ZNF69: variants seen among roughly 807,000 people sequenced by gnomAD.
ZNF69 encodes the protein ZNF3.
ZNF69 carries 47 observed loss-of-function variants against 50.9 expected under a neutral mutation model. That is an observed-to-expected ratio of 0.92 (90% CI 0.73 to 1.18). The LOEUF is 1.18. Ranked by LOEUF, ZNF69 falls within the 50% of genes most tolerant of loss-of-function variation. The pLI, the probability that ZNF69 is intolerant of heterozygous loss-of-function variation, is 0.00. For synonymous variants in ZNF69, 216 were observed against 223.1 expected, an observed-to-expected ratio of 0.97 and a Z score of 0.29; for missense variants, 717 against 675.1, an observed-to-expected ratio of 1.06 and a Z score of -0.69.
the ZNF69 span, chr19:11,925,054 T>A: frequency 1.4e-6 from 1 of 715,852 alleles, no homozygotes; most frequent in African/African-American, 1.8e-5. Flanking sequence ...CAATCAGAGG[T>A]GCTGGGGCGT....
chr19:11,966,194 A>G, the ZNF69 span, among the ~76,000 whole-genome samples: 9 of 152,060 alleles, frequency 5.9e-5, no homozygotes, highest in Non-Finnish European at 8.8e-5. Context: ...CCAGTCAGAT[A>G]ATGTCTGTTT....
At chr19:11,941,123 T>G in the ZNF69 span, among the ~76,000 whole-genome samples, 2 of 152,166 alleles carry the variant, frequency 1.3e-5, no homozygotes, top group Non-Finnish European at 2.9e-5. Flanking sequence ...ATTGGTGTGT[T>G]TACAAACCTT....
intron 1 of ZNF69, among the ~76,000 whole-genome samples, chr19:11,892,126 T>G (rs279191): frequency 0.35 from 52,264 of 147,674 alleles, 10,640 homozygotes; most frequent in African/African-American, 0.55. Flanking sequence ...CCACCAGCAC[T>G]CCTGGCTGAT....
At chr19:11,927,473 AAAAG>A in the ZNF69 span, among the ~76,000 whole-genome samples, 3 of 150,894 alleles carry the variant, frequency 2.0e-5, no homozygotes, top group Admixed American at 6.6e-5. Flanking sequence ...TAGAAAAGGA[AAAAG>A]AAAGAAAAAG....
downstream of ZNF69, among the ~76,000 whole-genome samples, chr19:11,910,280 C>T (rs983350672): frequency 3.3e-5 from 5 of 152,208 alleles, no homozygotes; most frequent in African/African-American, 9.7e-5. Context: ...CCATCCCCAT[C>T]AAGCTACCGA....
chr19:11,980,207 C>T, the ZNF69 span: 8 of 451,416 alleles, frequency 1.8e-5, no homozygotes, highest in Admixed American at 3.7e-5. Flanking sequence ...TGATGAAACC[C>T]CTGTCTCTAC....
At chr19:11,952,353 T>G in the ZNF69 span, among the ~76,000 whole-genome samples, 1 of 152,240 alleles carries the variant, frequency 6.6e-6, no homozygotes, top group African/African-American at 2.4e-5. Flanking sequence ...TAAAGCTATA[T>G]TTTTTCAAAT....
At chr19:11,949,543 C>G in the ZNF69 span, 1 of 1,610,950 alleles carries the variant, frequency 6.2e-7, no homozygotes, top group Non-Finnish European at 8.5e-7. Flanking sequence ...TGGAGAAAGA[C>G]CTTATAAATG....
At chr19:11,976,673 CCTGACCAA>C in the ZNF69 span, 1 of 229,276 alleles carries the variant, frequency 4.4e-6, no homozygotes, top group Non-Finnish European at 8.3e-6. Flanking sequence ...TCAAGACCAG[CCTGACCAA>C]CATGGAGAAA....
At chr19:11,953,091 A>T in the ZNF69 span, 3 of 152,198 alleles carry the variant, frequency 2.0e-5, no homozygotes, top group African/African-American at 7.2e-5. Context: ...CACAAAAAAA[A>T]TTAAAAAAGA....
downstream of ZNF69, among the ~76,000 whole-genome samples, chr19:11,917,100 G>A (rs559831721): frequency 2.1e-3 from 322 of 152,290 alleles, 2 homozygotes; most frequent in African/African-American, 6.8e-3. Context: ...TGGCCCCTGG[G>A]GCTTTGACTT....
At chr19:11,958,350 G>A in the ZNF69 span, among the ~76,000 whole-genome samples, 125 of 152,252 alleles carry the variant, frequency 8.2e-4, 1 homozygote, top group Admixed American at 2.6e-3. Flanking sequence ...GGCATCTGCT[G>A]AGTGGGGCTG....
downstream of ZNF69, chr19:11,914,475 AT>A (rs754163678): frequency 1.3e-5 from 2 of 152,214 alleles, no homozygotes; most frequent in Non-Finnish European, 2.9e-5. Context: ...AAAATCATTT[AT>A]GCCTTATAAA....
At chr19:11,940,344 C>T in the ZNF69 span, among the ~76,000 whole-genome samples, 2 of 152,148 alleles carry the variant, frequency 1.3e-5, no homozygotes, top group East Asian at 3.9e-4. Flanking sequence ...GTGAGTGTTA[C>T]AGCTCTTAAG....
At chr19:11,941,568 C>T in the ZNF69 span, among the ~76,000 whole-genome samples, 1 of 152,224 alleles carries the variant, frequency 6.6e-6, no homozygotes, top group Non-Finnish European at 1.5e-5. Flanking sequence ...CCAGGGCCAG[C>T]AGGGTCGGCC....
At chr19:11,892,076 C>G (rs1440440678) in intron 1 of ZNF69, among the ~76,000 whole-genome samples, 1 of 151,396 alleles carries the variant, frequency 6.6e-6, no homozygotes, top group African/African-American at 2.4e-5. Flanking sequence ...CTCCCTGGCT[C>G]AAGCACCTCA....
At chr19:11,963,642 A>G in the ZNF69 span, among the ~76,000 whole-genome samples, 5 of 152,104 alleles carry the variant, frequency 3.3e-5, no homozygotes, top group Non-Finnish European at 7.4e-5. Flanking sequence ...AATCGGGCTT[A>G]GTTATGATAG....
At position 11,905,248 on chromosome 19, in the gene ZNF69, C is replaced by A; in HGVS notation, c.851C>A (p.Ala284Glu). The stretch of plus-strand genomic sequence containing the variant: ...TATGAATGTCAGCAATGTGGGAAAG[C>A]ATTTCATAGTCCCAGATGCTATCGT... ...KPYECQQCGKAFHSPRCYRRH... is the reference protein window; with the variant it reads ...KPYECQQCGKEFHSPRCYRRH... The change falls in exon 4 of 4, where the codon GCA becomes GAA. Residue 284 changes from alanine to glutamate, a missense_variant. By Grantham distance (107) the Ala-to-Glu change is moderately radical (BLOSUM62 -1). Transcript: ENST00000429654. 6.2e-7 allele frequency: 1 copy of A among 1,614,104 alleles called. No homozygotes were observed. The highest frequency in any genetic ancestry group is 8.5e-7 in the Non-Finnish European group (1 of 1,180,022).
intron 1 of ZNF69, among the ~76,000 whole-genome samples, chr19:11,893,806 A>G (rs910523155): frequency 3.9e-5 from 6 of 152,050 alleles, no homozygotes; most frequent in African/African-American, 1.5e-4. Context: ...CTACATAACC[A>G]ATTCTTGGGG....
Sources: gnomAD v4.1 joint callset for allele counts (sites outside exome capture counted in the v4.1 genomes callset) on GRCh38, gnomAD v4.1.1 for gene constraint, MANE v1.5 for transcripts, NCBI Gene and HGNC (gene_info 2026-07-23, HGNC 2026-07-21) for gene names.